The following SRD5A2 variants were observed in gnomAD, a reference collection of about 807,000 sequenced individuals.
The protein encoded by SRD5A2 is 3-oxo-5-alpha-steroid 4-dehydrogenase 2.
Under a neutral mutation model 27.4 loss-of-function variants are expected in SRD5A2, and 30 were observed. The observed-to-expected ratio is 1.10, with a 90% confidence interval of 0.82 to 1.49. SRD5A2 has a LOEUF of 1.49. Among genes scored for constraint, SRD5A2 ranks in the 40% most tolerant of loss-of-function variants. The probability of loss-of-function intolerance (pLI) is 0.00; values close to 1 mark genes in which losing one functional copy is unlikely to be tolerated. For synonymous variants in SRD5A2, 141 were observed against 133.6 expected, an observed-to-expected ratio of 1.06 and a Z score of -0.38; for missense variants, 348 against 323.4, an observed-to-expected ratio of 1.08 and a Z score of -0.58.
the SRD5A2 span, among the ~76,000 whole-genome samples, chr2:31,661,689 C>A: frequency 6.6e-6 from 1 of 152,174 alleles, no homozygotes; most frequent in African/African-American, 2.4e-5. Context: ...TTCTCCAAGA[C>A]TCTTGGATCA....
At chr2:31,624,535 C>A in the SRD5A2 span, among the ~76,000 whole-genome samples, 1 of 150,536 alleles carries the variant, frequency 6.6e-6, no homozygotes, top group South Asian at 2.1e-4. Flanking sequence ...CACACAGGCT[C>A]TGTGATGTTC....
the SRD5A2 span, among the ~76,000 whole-genome samples, chr2:31,648,579 C>T: frequency 1.9e-4 from 29 of 152,190 alleles, no homozygotes; most frequent in Non-Finnish European, 3.7e-4. Flanking sequence ...GTGATTTCTT[C>T]TTAACACATG....
the SRD5A2 span, among the ~76,000 whole-genome samples, chr2:31,591,572 C>T: frequency 6.6e-6 from 1 of 151,800 alleles, no homozygotes; most frequent in African/African-American, 2.4e-5. Flanking sequence ...TTTGACCCAG[C>T]AATCCCATTA....
At chr2:31,547,643 C>A (rs990118005) in intron 1 of SRD5A2, among the ~76,000 whole-genome samples, 1 of 152,164 alleles carries the variant, frequency 6.6e-6, no homozygotes, top group Non-Finnish European at 1.5e-5. Flanking sequence ...AGGACTTGCA[C>A]CAGCAATTCT....
chr2:31,624,966 G>A, the SRD5A2 span, among the ~76,000 whole-genome samples: 98,372 of 152,052 alleles, frequency 0.65, 32,008 homozygotes, highest in Middle Eastern at 0.67. Context: ...ACTAGTTTAC[G>A]CTCCCACCAA....
the SRD5A2 span, among the ~76,000 whole-genome samples, chr2:31,656,498 T>C: frequency 6.6e-6 from 1 of 152,140 alleles, no homozygotes; most frequent in Non-Finnish European, 1.5e-5. Context: ...CCTTTGAGAA[T>C]TGACTAAGTA....
Position 31,531,444 on chromosome 2 carries a change from T to C in SRD5A2, c.474A>G (p.Gly158=). The C allele has an allele frequency of 6.3e-7, 1 of 1,598,392 alleles. No individual in the cohort carries two copies. The highest frequency in any genetic ancestry group is 8.5e-7 in the Non-Finnish European group (1 of 1,172,258). Residue 158 remains glycine, a synonymous_variant, in exon 3 of 5, where the codon GGA becomes GGG. Transcript: ENST00000622030. Reference sequence around the variant, plus strand: ...ATATATAGTCACTATGAATGTTTATTCCCATTCCCAAAATAAATAAGAAGA... The same window carrying C: ...ATATATAGTCACTATGAATGTTTATCCCCATTCCCAAAATAAATAAGAAGA... ...LGVFLFILGM[G]INIHSDYILR...
the SRD5A2 span, among the ~76,000 whole-genome samples, chr2:31,594,704 T>C: frequency 2.0e-5 from 3 of 152,088 alleles, no homozygotes; most frequent in Admixed American, 2.0e-4. Flanking sequence ...CTATAACAAA[T>C]GGACTTAACA....
chr2:31,583,778 A>T (rs1259784556), upstream of SRD5A2, among the ~76,000 whole-genome samples: 1 of 152,126 alleles, frequency 6.6e-6, no homozygotes, highest in Admixed American at 6.5e-5. Context: ...CAATGTGGTA[A>T]CATATGCAGA....
At chr2:31,544,536 T>G (rs187637980) in intron 1 of SRD5A2, among the ~76,000 whole-genome samples, 132 of 152,004 alleles carry the variant, frequency 8.7e-4, no homozygotes, top group African/African-American at 3.1e-3. Flanking sequence ...ATACTAAAAC[T>G]TATAGGATGC....
the SRD5A2 span, among the ~76,000 whole-genome samples, chr2:31,599,618 A>T: frequency 6.6e-6 from 1 of 151,974 alleles, no homozygotes. Flanking sequence ...AATGATAATG[A>T]AAATATAAAA....
intron 1 of SRD5A2, among the ~76,000 whole-genome samples, chr2:31,559,953 T>A (rs529628556): frequency 6.6e-6 from 1 of 151,758 alleles, no homozygotes; most frequent in Non-Finnish European, 1.5e-5. Context: ...CAGGAACTGT[T>A]AAGATTTAAG....
the SRD5A2 span, among the ~76,000 whole-genome samples, chr2:31,589,156 A>G: frequency 6.6e-6 from 1 of 152,166 alleles, no homozygotes; most frequent in Admixed American, 6.5e-5. Context: ...GAGCTGAAAC[A>G]GATTTAGGAT....
the SRD5A2 span, among the ~76,000 whole-genome samples, chr2:31,640,781 C>G: frequency 6.6e-6 from 1 of 152,074 alleles, no homozygotes; most frequent in Non-Finnish European, 1.5e-5. Context: ...GGATGGTAGT[C>G]CTACCTACCC....
Position 31,529,310 on chromosome 2 carries a change from T to C in SRD5A2, c.695A>G (p.His232Arg), listed in dbSNP as rs748899308. The C allele has an allele frequency of 3.0e-5, 49 of 1,613,658 alleles. No homozygotes were observed. The highest frequency in any genetic ancestry group is 3.7e-5 in the Non-Finnish European group (44 of 1,179,800). Residue 232 changes from histidine to arginine, a missense_variant, in exon 4 of 5, where the codon CAT becomes CGT. His to Arg is a conservative substitution (Grantham distance 29). Transcript: ENST00000622030. ...CCGCTTTTATTGAAAAATTTACCTA[T>C]GGTGGTGAAAAGCTCGCAGCCCAAG... is the stretch of plus-strand genomic sequence containing the variant. ...CFLGLRAFHH[H>R]RFYLKMFEDY...
chr2:31,562,747 G>A (rs1666649412), intron 1 of SRD5A2, among the ~76,000 whole-genome samples: 1 of 152,078 alleles, frequency 6.6e-6, no homozygotes, highest in Non-Finnish European at 1.5e-5. Flanking sequence ...TGCGTGATGG[G>A]ATCATTAGAA....
chr2:31,577,676 C>A (rs2148104300), intron 1 of SRD5A2, among the ~76,000 whole-genome samples: 1 of 152,304 alleles, frequency 6.6e-6, no homozygotes, highest in African/African-American at 2.4e-5. Flanking sequence ...GTCTCTCCGT[C>A]TTATTCTCTG....
the SRD5A2 span, among the ~76,000 whole-genome samples, chr2:31,650,712 G>T: frequency 2.6e-5 from 4 of 152,200 alleles, no homozygotes; most frequent in South Asian, 8.3e-4. Context: ...TTAAAATTTA[G>T]TAAGTATGCA....
chr2:31,556,452 T>C (rs376323591), intron 1 of SRD5A2, among the ~76,000 whole-genome samples: 36 of 152,218 alleles, frequency 2.4e-4, no homozygotes, highest in African/African-American at 8.4e-4. Context: ...AAGATGTGAC[T>C]ACATTAAGAA....
Sources: allele counts gnomAD v4.1 joint callset (sites outside exome capture counted in the v4.1 genomes callset), GRCh38; gene constraint gnomAD v4.1.1; transcripts MANE v1.5; gene names NCBI Gene and HGNC (gene_info 2026-07-23, HGNC 2026-07-21).